Variants in LIN54 observed in about 807,000 individuals in gnomAD.
LIN54 encodes the protein protein lin-54 homolog.
In LIN54, 9 loss-of-function variants were observed where a neutral mutation model predicts 78.7. That is an observed-to-expected ratio of 0.11 (90% CI 0.07 to 0.20). The LOEUF (loss-of-function observed/expected upper bound fraction) is 0.20. Ranked by LOEUF, LIN54 falls within the 10% of genes least tolerant of loss-of-function variation. The pLI, the probability that LIN54 is intolerant of heterozygous loss-of-function variation, is 1.00. For missense variants in LIN54, 573 were observed against 889.9 expected (o/e 0.64, Z 4.53); for synonymous variants, 269 against 318.4 (o/e 0.84, Z 1.65).
intron 11 of LIN54, among the ~76,000 whole-genome samples, chr4:82,932,092 A>ACTTT (rs370483165): frequency 8.0e-6 from 1 of 124,854 alleles, no homozygotes; most frequent in South Asian, 2.5e-4. Context: ...GTGTATTTTA[A>ACTTT]TTTTTTTTTT....
At chr4:83,009,789 G>C (rs1260953073) in intron 1 of LIN54, among the ~76,000 whole-genome samples, 1 of 152,038 alleles carries the variant, frequency 6.6e-6, no homozygotes, top group Non-Finnish European at 1.5e-5. Flanking sequence ...TAAAACTCAG[G>C]ACCAAAAGAG....
At chr4:82,974,005 T>G (rs1163997199) in intron 3 of LIN54, among the ~76,000 whole-genome samples, 1 of 151,808 alleles carries the variant, frequency 6.6e-6, no homozygotes, top group Non-Finnish European at 1.5e-5. Flanking sequence ...GGTCAGGAGA[T>G]TGGGACCATC....
intron 1 of LIN54, among the ~76,000 whole-genome samples, chr4:82,997,217 T>G (rs1156424113): frequency 6.6e-6 from 1 of 152,130 alleles, no homozygotes; most frequent in Non-Finnish European, 1.5e-5. Context: ...CATTGGACTT[T>G]GAAAATAACT....
At chr4:82,938,550 A>G in intron 7 of LIN54, 46 bp from the exon 8 acceptor site, 1 of 1,046,690 alleles carries the variant, frequency 9.6e-7, no homozygotes, top group South Asian at 1.3e-5. Flanking sequence ...CCAAAAATGG[A>G]CAATACTGTC....
chr4:82,934,067 C>T (rs369654606), intron 11 of LIN54, among the ~76,000 whole-genome samples: 1 of 152,168 alleles, frequency 6.6e-6, no homozygotes, highest in Non-Finnish European at 1.5e-5. Context: ...AAGATTCCAA[C>T]ACTGGATGAA....
At chr4:82,975,169 C>T (rs1283402354) in intron 3 of LIN54, among the ~76,000 whole-genome samples, 2 of 151,756 alleles carry the variant, frequency 1.3e-5, no homozygotes, top group African/African-American at 2.4e-5. Context: ...ACCAGCCTGG[C>T]CAAAATGGTG....
chr4:82,989,925 G>C (rs1379295712), intron 1 of LIN54, among the ~76,000 whole-genome samples: 1 of 152,186 alleles, frequency 6.6e-6, no homozygotes, highest in Admixed American at 6.5e-5. Context: ...CAGCAGAGCA[G>C]GGGCCATGAA....
chr4:82,931,012 G>A lies in LIN54; in HGVS notation c.1979C>T (p.Thr660Met), dbSNP rs1229625359. Residue 660 changes from threonine to methionine, a missense_variant, in exon 12 of 13, where the codon ACG becomes ATG. Physicochemically the swap from Thr to Met is moderately conservative, Grantham distance 81. This residue lies in a region of LIN54 where 82 missense variants were observed against 140.8 expected (regional missense o/e 0.58). Transcript: ENST00000340417. ...GTCTGAAATTTGAGAGGATAACTTC[G>A]TCTTGGCTGCTGTTTGTTGCTGTAC... ...VRVQQQTAAK[T>M]KLSSQISDLL... 3 of 1,614,156 alleles carry A rather than the reference G, an allele frequency of 1.9e-6. No homozygotes were observed. Among genetic ancestry groups the A allele is most frequent in the East Asian group, 2.2e-5 (1 of 44,874 alleles).
Position 82,939,893 on chromosome 4 carries a change from T to C in LIN54, c.1238A>G (p.Lys413Arg). The C allele has an allele frequency of 6.2e-7, 1 of 1,611,560 alleles. No individual in the cohort carries two copies. The highest frequency in any genetic ancestry group is 1.1e-5 in the South Asian group (1 of 90,562). Residue 413 changes from lysine (K) to arginine (R), a missense_variant, in exon 6 of 13, where the codon AAA (lysine) becomes AGA (arginine). Physicochemically the swap from Lys to Arg is conservative, Grantham distance 26 (BLOSUM62 2). Coordinates refer to ENST00000340417, the MANE Select transcript of LIN54 (RefSeq NM_194282.4). The stretch of plus-strand genomic sequence containing the variant: ...AAGAAGTTATGTGATACTTACTTGT[T>C]TGACAGCCTGAGCTGAGACAATTGG... ...SVPIVSAQAV[K>R]QVVPKPINPT... is the part of the protein sequence containing the mutation.
chr4:82,932,468 C>T (rs982951548), intron 11 of LIN54, among the ~76,000 whole-genome samples: 1 of 151,586 alleles, frequency 6.6e-6, no homozygotes. Context: ...ATCTCATCAG[C>T]AATGTGTAAA....
intron 5 of LIN54, among the ~76,000 whole-genome samples, chr4:82,942,058 A>T (rs1347796533): frequency 6.6e-6 from 1 of 152,234 alleles, no homozygotes; most frequent in Non-Finnish European, 1.5e-5. Context: ...GGTCTGAAAG[A>T]GAGGTTGAGA....
rs879670376 is a variant in LIN54 at position 82,939,214 on chromosome 4, C to A, written c.1440+325G>T. Among the ~76,000 whole-genome samples the A allele has an allele frequency of 7.2e-5, 11 of 152,182 alleles. 1 individual carries two copies. The highest frequency in any genetic ancestry group is 5.2e-4 in the Admixed American group (8 of 15,280). ...TTATGTGTGAGGAAGAGCTTTATAA[C>A]AGCCACAGTCTTTTCTAAATTCATT... On this transcript the variant is annotated intron_variant, in intron 7 of 12. Transcript: ENST00000340417.
intron 4 of LIN54, among the ~76,000 whole-genome samples, chr4:82,946,909 C>A (rs1442369115): frequency 6.6e-6 from 1 of 151,796 alleles, no homozygotes; most frequent in East Asian, 1.9e-4. Context: ...TTTATATTCC[C>A]ATGTTCTGTA....
intron 1 of LIN54, among the ~76,000 whole-genome samples, chr4:83,009,987 G>A (rs1335828860): frequency 6.6e-6 from 1 of 152,168 alleles, no homozygotes; most frequent in African/African-American, 2.4e-5. Flanking sequence ...AATGGCAGGG[G>A]CAAAGAGGTT....
intron 1 of LIN54, among the ~76,000 whole-genome samples, chr4:83,005,413 G>A (rs182664388): frequency 2.4e-4 from 37 of 152,162 alleles, no homozygotes; most frequent in African/African-American, 7.9e-4. Flanking sequence ...TAAGGCAGGC[G>A]GATCACTTGA....
chr4:82,948,099 A>G (rs1202721250), intron 4 of LIN54, among the ~76,000 whole-genome samples: 3 of 152,226 alleles, frequency 2.0e-5, no homozygotes, highest in Non-Finnish European at 4.4e-5. Flanking sequence ...AAATGATTAA[A>G]TGTATAAATA....
chr4:82,980,968 C>T (rs1194945813), intron 2 of LIN54, among the ~76,000 whole-genome samples: 1 of 152,062 alleles, frequency 6.6e-6, no homozygotes, highest in East Asian at 1.9e-4. Flanking sequence ...TCATCTTGCC[C>T]TTGTGGTTAT....
At chr4:82,955,748 C>CTA (rs1242945784) in intron 4 of LIN54, among the ~76,000 whole-genome samples, 2 of 108,082 alleles carry the variant, frequency 1.9e-5, no homozygotes, top group African/African-American at 7.4e-5. Flanking sequence ...AGCAAGACCC[C>CTA]TATCTCATTA....
intron 5 of LIN54, 142 bp from the exon 6 acceptor site, chr4:82,940,104 A>T: frequency 1.5e-6 from 1 of 655,354 alleles, no homozygotes; most frequent in Non-Finnish European, 2.6e-6. Flanking sequence ...AGCAATCTTT[A>T]ATCAGGATAG....
Sources: gnomAD v4.1 joint callset for allele counts (sites outside exome capture counted in the v4.1 genomes callset) on GRCh38, gnomAD v4.1.1 for gene constraint, gnomAD v4.1.1 regional missense constraint, MANE v1.5 for transcripts, NCBI Gene and HGNC (gene_info 2026-07-23, HGNC 2026-07-21) for gene names.